ASAP3: variants seen among roughly 807,000 people sequenced by gnomAD.
ASAP3 encodes the protein ArfGAP with SH3 domain, ankyrin repeat and PH domain 3, also known as arf-GAP with SH3 domain, ANK repeat and PH domain-containing protein 3.
A neutral mutation model predicts 118.2 loss-of-function variants in ASAP3; 85 were observed. The observed-to-expected ratio is 0.72, with a 90% CI of 0.60 to 0.86. The LOEUF is 0.86. ASAP3 is among the 40% of genes least tolerant of loss of function. The probability of loss-of-function intolerance (pLI) is 0.00; values close to 1 mark genes in which losing one functional copy is unlikely to be tolerated. For missense variants in ASAP3, 1,026 were observed against 1,175.0 expected, an observed-to-expected ratio of 0.87 and a Z score of 1.85; for synonymous variants, 432 against 477.4, an observed-to-expected ratio of 0.90 and a Z score of 1.24.
At chr1:23,447,798 A>G (rs1406538185) in intron 5 of ASAP3, among the ~76,000 whole-genome samples, 1 of 150,904 alleles carries the variant, frequency 6.6e-6, no homozygotes, top group African/African-American at 2.4e-5. Flanking sequence ...GGTGTAGATA[A>G]GCCGTGAAGT....
intron 1 of ASAP3, among the ~76,000 whole-genome samples, chr1:23,474,198 C>T (rs1202179485): frequency 6.6e-6 from 1 of 151,884 alleles, no homozygotes; most frequent in Non-Finnish European, 1.5e-5. Context: ...GAACTCCTGA[C>T]CTCAGGTGAT....
In ASAP3 at chr1:23,433,362, C is replaced by T. The variant is rs771498946; in HGVS notation, c.2127+63G>A. ...CCTCACCGCCCCCGCCAACACACAC[C>T]AGGCCCAATCTGGCTCTTTCCTTCT... On this transcript the variant is annotated intron_variant, in intron 21 of 24. Coordinates refer to ENST00000336689, the MANE Select transcript of ASAP3 (RefSeq NM_017707.4). 7.4e-6 allele frequency: 12 copies of T among 1,613,476 alleles called. No homozygotes were observed. The South Asian group carries it at 1.1e-4, about 15-fold the overall frequency.
In ASAP3 at chr1:23,470,571, C is replaced by T. The variant is rs569095044; in HGVS notation, c.129+13434G>A. 6.6e-5 allele frequency among the ~76,000 whole-genome samples: 10 copies of T among 152,372 alleles called. No homozygotes were observed. The South Asian group carries it at 1.7e-3, about 25-fold the overall frequency. ...TCCTTCCCACCCTGAGCCTCTGACT[C>T]CTCTTCTGGAATGAAGGGTTTGGGT... On this transcript the variant is annotated intron_variant, in intron 1 of 24. Coordinates refer to ENST00000336689, the MANE Select transcript of ASAP3 (RefSeq NM_017707.4).
rs1033316476 is a variant in ASAP3, at chr1:23,437,592, C to G, written c.1103-120G>C. On this transcript the variant is annotated intron_variant, in intron 12 of 24. Coordinates refer to ENST00000336689, the MANE Select transcript of ASAP3 (RefSeq NM_017707.4). The surrounding 1 kb of genome is among the most constrained non-coding windows in gnomAD (Gnocchi z 6.1). The stretch of plus-strand genomic sequence containing the variant: ...AGATGTGTCCCTGACAAGTCGGACT[C>G]TCAAGCTAGGAGTGGGAAGGGAGTG... The G allele has an allele frequency of 7.9e-7, 1 of 1,262,540 alleles. No individual in the cohort carries two copies. Among genetic ancestry groups the G allele is most frequent in the Non-Finnish European group, 1.1e-6 (1 of 905,150 alleles). 78.2% of individuals were successfully genotyped at this position (1,262,540 alleles called of 1,614,324 possible).
Position 23,436,437 on chromosome 1 carries a change from A to G in ASAP3, c.1571+123T>C. 9.4e-7 allele frequency: 1 copy of G among 1,060,046 alleles called. No individual in the cohort carries two copies. Among genetic ancestry groups the G allele is most frequent in the Middle Eastern group, 2.0e-4 (1 of 4,924 alleles). The allele number at this position is 1,060,046 out of a possible 1,614,324, so 65.7% of individuals were successfully genotyped here. A position where few individuals can be genotyped will look rare whatever the true frequency, so the allele number is the denominator to read the frequency against. ...CTTGGCCTCCCAAAGTGCTGGGATT[A>G]CAGGCGTGAGCCACTGCGCCCAGCC... On this transcript the variant is annotated intron_variant, in intron 16 of 24. Coordinates refer to ENST00000336689, the MANE Select transcript of ASAP3 (RefSeq NM_017707.4). This position sits in a 1 kb window ranked among gnomAD's most constrained non-coding sequence, Gnocchi z 4.2.
chr1:23,450,345 C>A (rs146443848), intron 5 of ASAP3, among the ~76,000 whole-genome samples: 1 of 152,020 alleles, frequency 6.6e-6, no homozygotes, highest in Non-Finnish European at 1.5e-5. Context: ...TTGGCACACC[C>A]GTTTGATTGA....
At chr1:23,453,205 G>A (rs1641279868) in intron 3 of ASAP3, among the ~76,000 whole-genome samples, 1 of 152,182 alleles carries the variant, frequency 6.6e-6, no homozygotes, top group Admixed American at 6.5e-5. Flanking sequence ...GACCTGTAGT[G>A]CACGTCTGTT....
intron 17 of ASAP3, 144 bp from the exon 18 acceptor site, chr1:23,434,762 G>A: frequency 1.4e-6 from 1 of 725,720 alleles, no homozygotes; most frequent in Non-Finnish European, 2.3e-6. Context: ...CAAGGGCAGA[G>A]CCTCATGTCT....
upstream of ASAP3, chr1:23,484,200 G>A (rs1002341515): frequency 1.2e-4 from 149 of 1,210,546 alleles, no homozygotes; most frequent in Non-Finnish European, 1.4e-4. Flanking sequence ...GCGCTGAGCC[G>A]GCCTCACCGC....
intron 1 of ASAP3, among the ~76,000 whole-genome samples, chr1:23,477,122 T>C (rs1262249945): frequency 6.7e-6 from 1 of 149,052 alleles, no homozygotes; most frequent in Non-Finnish European, 1.5e-5. Context: ...GTTCAAGCAA[T>C]TCTCGTGCCT....
At chr1:23,461,571 G>A (rs1641586198) in intron 1 of ASAP3, among the ~76,000 whole-genome samples, 1 of 151,948 alleles carries the variant, frequency 6.6e-6, no homozygotes, top group Non-Finnish European at 1.5e-5. Flanking sequence ...TGAGGTGGGA[G>A]GACTGTTTGA....
chr1:23,434,416 G>T (rs779714778), intron 18 of ASAP3, 47 bp from the exon 19 acceptor site: 2 of 1,607,154 alleles, frequency 1.2e-6, no homozygotes, highest in Non-Finnish European at 1.7e-6. Context: ...ACAGATCAAT[G>T]AGGGGATCAA....
intron 1 of ASAP3, among the ~76,000 whole-genome samples, chr1:23,473,993 T>G (rs1642041134): frequency 6.9e-6 from 1 of 144,116 alleles, no homozygotes. Context: ...TTTTTTTTTT[T>G]TTTTTGAGAT....
intron 19 of ASAP3, among the ~76,000 whole-genome samples, 153 bp from the exon 20 acceptor site, chr1:23,433,846 T>C (rs1317491742): frequency 1.3e-5 from 2 of 152,242 alleles, no homozygotes; most frequent in Non-Finnish European, 2.9e-5. Context: ...ATATAACCTT[T>C]TGGGACAAAA....
At position 23,438,934 on chromosome 1, in the gene ASAP3, G is replaced by T; in HGVS notation, c.1015-100C>A. 3.9e-6 allele frequency: 5 copies of T among 1,296,154 alleles called. No individual in the cohort carries two copies. The highest frequency in any genetic ancestry group is 1.2e-5 in the South Asian group (1 of 81,148). 80.3% of individuals were successfully genotyped at this position (1,296,154 alleles called of 1,614,324 possible). On this transcript the variant is annotated intron_variant, in intron 11 of 24. Coordinates refer to ENST00000336689, the MANE Select transcript of ASAP3 (RefSeq NM_017707.4). The surrounding 1 kb of genome is among the most constrained non-coding windows in gnomAD (Gnocchi z 4.9). Reference sequence around the variant, plus strand: ...TCTGTTAAATGGGCATAATCATCCTGTTCCATTTGTGTTTCTCCTCACCCA... The same window carrying T: ...TCTGTTAAATGGGCATAATCATCCTTTTCCATTTGTGTTTCTCCTCACCCA...
In ASAP3 at chr1:23,438,681, G is replaced by A; in HGVS notation, c.1102+66C>T. 1 of 1,460,272 alleles carries A rather than the reference G, an allele frequency of 6.8e-7. No homozygotes were observed. Among genetic ancestry groups the A allele is most frequent in the South Asian group, 1.2e-5 (1 of 86,792 alleles). 90.5% of individuals were successfully genotyped at this position (1,460,272 alleles called of 1,614,324 possible). A position where few individuals can be genotyped will look rare whatever the true frequency, so the allele number is the denominator to read the frequency against. Reference sequence around the variant, plus strand: ...GACCCCTCACTGAAGCCCCCCGGGAGCTGACAGGTGTCTTAGAGAAGCCCT... The same window carrying A: ...GACCCCTCACTGAAGCCCCCCGGGAACTGACAGGTGTCTTAGAGAAGCCCT... On this transcript the variant is annotated intron_variant, in intron 12 of 24. Transcript: ENST00000336689. The surrounding 1 kb of genome is among the most constrained non-coding windows in gnomAD (Gnocchi z 4.9).
intron 5 of ASAP3, 40 bp downstream of exon 5, chr1:23,451,439 C>G: frequency 2.5e-6 from 4 of 1,599,230 alleles, no homozygotes; most frequent in Non-Finnish European, 2.6e-6. Flanking sequence ...AGCCTAAGTG[C>G]TACTCTCCCA....
upstream of ASAP3, chr1:23,484,377 G>T (rs1195530508): frequency 1.0e-5 from 3 of 294,402 alleles, no homozygotes; most frequent in Non-Finnish European, 1.7e-5. Context: ...GCCCCGCACC[G>T]CGTCAGGCCG....
chr1:23,483,490 A>T (rs1280386719), intron 1 of ASAP3, among the ~76,000 whole-genome samples: 1 of 152,176 alleles, frequency 6.6e-6, no homozygotes, highest in Non-Finnish European at 1.5e-5. Context: ...CAGCCCGGCC[A>T]AGGTGAACCC....
Sources: allele counts gnomAD v4.1 joint callset (sites outside exome capture counted in the v4.1 genomes callset), GRCh38; gene constraint gnomAD v4.1.1; non-coding constraint Gnocchi (gnomAD v3.1); transcripts MANE v1.5; gene names NCBI Gene and HGNC (gene_info 2026-07-23, HGNC 2026-07-21).